Variants in PARP14 observed in about 807,000 individuals in gnomAD.
PARP14 encodes the protein poly(ADP-ribose) polymerase family member 14.
A neutral mutation model predicts 154.2 loss-of-function variants in PARP14; 59 were observed. The observed-to-expected ratio is 0.38, with a 90% CI of 0.31 to 0.48. The LOEUF is 0.48. PARP14 is among the 20% of genes least tolerant of loss of function. The pLI is 0.98. For missense variants in PARP14, 1,734 were observed against 2,131.6 expected, an observed-to-expected ratio of 0.81 and a Z score of 3.67; for synonymous variants, 720 against 780.5, an observed-to-expected ratio of 0.92 and a Z score of 1.29.
rs368642854 is a variant in PARP14 at position 122,715,655 on chromosome 3, G to T, written c.4000+1226G>T. 2.6e-3 allele frequency among the ~76,000 whole-genome samples: 263 copies of T among 101,534 alleles called. 2 individuals carry two copies. The highest frequency in any genetic ancestry group is 4.3e-3 in the South Asian group (13 of 3,040). The allele number at this position is 101,534 out of a possible 152,430, so 66.6% of individuals were successfully genotyped here. A position where few individuals can be genotyped will look rare whatever the true frequency, so the allele number is the denominator to read the frequency against. On this transcript the variant is annotated intron_variant, in intron 12 of 16. Coordinates refer to ENST00000474629, the MANE Select transcript of PARP14 (RefSeq NM_017554.3). ...CTATCTATCTATCTATCTATCTATC[G>T]ATCTGTCTATCTATCTCTATCATCT...
In PARP14 at chr3:122,695,374, A is replaced by T; in HGVS notation, c.599-52A>T. On this transcript the variant is annotated intron_variant, in intron 4 of 16. Coordinates refer to ENST00000474629, the MANE Select transcript of PARP14 (RefSeq NM_017554.3). The stretch of plus-strand genomic sequence containing the variant: ...CAGACATTTTCTTCTATACAACATA[A>T]AGATACAATAAAAATTTACTGATTT... The T allele has an allele frequency of 1.2e-5, 11 of 905,152 alleles. No homozygotes were observed. The South Asian group carries it at 1.4e-4, about 12-fold the overall frequency. 56.1% of individuals were successfully genotyped at this position (905,152 alleles called of 1,614,324 possible). A position where few individuals can be genotyped will look rare whatever the true frequency, so the allele number is the denominator to read the frequency against.
chr3:122,704,304 G>T lies in PARP14; in HGVS notation c.3319-223G>T, dbSNP rs558815049. Among the ~76,000 whole-genome samples the T allele has an allele frequency of 2.0e-5, 3 of 152,328 alleles. No individual in the cohort carries two copies. In the East Asian group the frequency reaches 5.8e-4, roughly 29 times the overall value. ...AGAATGAAGGAAAAGAACAGTAGTT[G>T]CTTTGCTTCTTTCCTTCATTGTGAA... On this transcript the variant is annotated intron_variant, in intron 7 of 16. Transcript: ENST00000474629.
At chr3:122,702,565 C>T (rs866263526) in intron 6 of PARP14, among the ~76,000 whole-genome samples, 40 of 152,188 alleles carry the variant, frequency 2.6e-4, no homozygotes, top group East Asian at 7.7e-4. Context: ...CACTGCCATG[C>T]GGCAGATTCT....
chr3:122,691,188 A>G (rs751485704), intron 3 of PARP14, among the ~76,000 whole-genome samples: 6 of 152,206 alleles, frequency 3.9e-5, no homozygotes, highest in Non-Finnish European at 7.3e-5. Context: ...CATTTTCCTC[A>G]TATACCTCCA....
At position 122,718,200 on chromosome 3, in the gene PARP14, A is replaced by C. The variant is rs1933048200; in HGVS notation, c.4130A>C (p.Asp1377Ala). The change falls in exon 13 of 17, where the codon GAT becomes GCT. Residue 1377 changes from aspartate (D) to alanine (A), a missense_variant. By Grantham distance (126) the Asp-to-Ala change is moderately radical. This residue lies in a region of PARP14 where 1,646 missense variants were observed against 1,976.0 expected (regional missense o/e 0.83). Coordinates refer to ENST00000474629, the MANE Select transcript of PARP14 (RefSeq NM_017554.3). ...GTTATCTTTCTGCCTCAAGTACTGG[A>C]TGTGTTTTATGCCAACATGAAGAAA... ...KVVIFLPQVL[D>A]VFYANMKKRE... The C allele has an allele frequency of 2.5e-6, 4 of 1,613,542 alleles. No homozygotes were observed. Among genetic ancestry groups the C allele is most frequent in the Non-Finnish European group, 2.5e-6 (3 of 1,179,652 alleles).
chr3:122,687,530 C>G (rs1450666491), intron 3 of PARP14, among the ~76,000 whole-genome samples: 1 of 152,186 alleles, frequency 6.6e-6, no homozygotes, highest in Non-Finnish European at 1.5e-5. Context: ...TGCTCTGGAG[C>G]CAAAACAGGA....
chr3:122,716,768 C>T (rs1933013063), intron 12 of PARP14, among the ~76,000 whole-genome samples: 1 of 152,210 alleles, frequency 6.6e-6, no homozygotes, highest in Non-Finnish European at 1.5e-5. Context: ...CATACCCCTC[C>T]AGACTTAACT....
chr3:122,708,904 G>A (rs1473886864), intron 9 of PARP14, among the ~76,000 whole-genome samples: 1 of 151,936 alleles, frequency 6.6e-6, no homozygotes, highest in African/African-American at 2.4e-5. Context: ...AGTTCACTGA[G>A]TCTTTTCTCT....
At chr3:122,713,690 G>A in intron 10 of PARP14, 117 bp downstream of exon 10, 1 of 998,452 alleles carries the variant, frequency 1.0e-6, no homozygotes, top group Non-Finnish European at 1.5e-6. Context: ...TTTAAATTAT[G>A]CTGACAGGGT....
At chr3:122,714,545 C>A in intron 12 of PARP14, 116 bp downstream of exon 12, 1 of 670,826 alleles carries the variant, frequency 1.5e-6, no homozygotes, top group Non-Finnish European at 2.4e-6. Context: ...AACCATTAAG[C>A]TAGGAGTGGA....
intron 15 of PARP14, 34 bp downstream of exon 15, chr3:122,720,422 G>A (rs1444773238): frequency 6.3e-7 from 1 of 1,598,032 alleles, no homozygotes; most frequent in South Asian, 1.1e-5. Context: ...TTTCTGGATG[G>A]TGGAAATAAG....
At chr3:122,687,987 T>C (rs754589693) in intron 3 of PARP14, among the ~76,000 whole-genome samples, 3 of 152,228 alleles carry the variant, frequency 2.0e-5, no homozygotes, top group Non-Finnish European at 4.4e-5. Flanking sequence ...TGGATAGAGA[T>C]ATATGGCTTA....
chr3:122,707,241 C>G (rs972708277), intron 8 of PARP14, among the ~76,000 whole-genome samples: 1 of 151,750 alleles, frequency 6.6e-6, no homozygotes, highest in East Asian at 1.9e-4. Flanking sequence ...GGTGAAACCC[C>G]GTCTCTACTA....
chr3:122,692,361 A>G lies in PARP14; in HGVS notation c.416A>G (p.Asp139Gly), dbSNP rs1359585543. 6.2e-7 allele frequency: 1 copy of G among 1,613,228 alleles called. No individual in the cohort carries two copies. The highest frequency in any genetic ancestry group is 8.5e-7 in the Non-Finnish European group (1 of 1,179,214). Residue 139 changes from aspartate (D) to glycine (G), a missense_variant, in exon 4 of 17, where the codon GAT becomes GGT. Asp to Gly is a moderately conservative substitution (Grantham distance 94, BLOSUM62 -1). This residue lies in a region of PARP14 where 1,646 missense variants were observed against 1,976.0 expected (regional missense o/e 0.83). Transcript: ENST00000474629. ...GATGGTGGATTAGACAAAATGGAAGATATCCCAGAGGAATGTGAAAATATT... is the reference window on the plus strand; with the variant it reads ...GATGGTGGATTAGACAAAATGGAAGGTATCCCAGAGGAATGTGAAAATATT... ...PLDGGLDKME[D>G]IPEECENISS...
At chr3:122,691,821 G>A (rs912136125) in intron 3 of PARP14, among the ~76,000 whole-genome samples, 1 of 151,552 alleles carries the variant, frequency 6.6e-6, no homozygotes, top group Non-Finnish European at 1.5e-5. Flanking sequence ...GGCAGAAAAG[G>A]GTATAATAAA....
chr3:122,717,394 T>C (rs1472222766), intron 12 of PARP14, among the ~76,000 whole-genome samples: 3 of 152,240 alleles, frequency 2.0e-5, no homozygotes, highest in Non-Finnish European at 2.9e-5. Flanking sequence ...ATATGGAGTA[T>C]GCTGAAAACA....
chr3:122,726,176 A>G (rs1933282342), intron 15 of PARP14, among the ~76,000 whole-genome samples: 1 of 152,342 alleles, frequency 6.6e-6, no homozygotes, highest in East Asian at 1.9e-4. Context: ...CAACATATTT[A>G]CCATTTATTT....
At chr3:122,722,936 T>TC (rs1491417461) in intron 15 of PARP14, among the ~76,000 whole-genome samples, 1 of 72,596 alleles carries the variant, frequency 1.4e-5, no homozygotes, top group East Asian at 9.0e-4. Flanking sequence ...GCATTTCATA[T>TC]TTTTTTTTTT....
At chr3:122,704,482 C>G (rs1255498938) in intron 7 of PARP14, 45 bp from the exon 8 acceptor site, 1 of 1,229,850 alleles carries the variant, frequency 8.1e-7, no homozygotes, top group African/African-American at 1.5e-5. Flanking sequence ...GTTCTAACTC[C>G]CATTTCTAGA....
Sources: allele counts gnomAD v4.1 joint callset (sites outside exome capture counted in the v4.1 genomes callset), GRCh38; gene constraint gnomAD v4.1.1; regional missense constraint gnomAD v4.1.1; transcripts MANE v1.5; gene names NCBI Gene and HGNC (gene_info 2026-07-23, HGNC 2026-07-21).